Variants in SEC24A observed in about 807,000 individuals in gnomAD.
SEC24A encodes protein transport protein Sec24A.
Under a neutral mutation model 129.4 loss-of-function variants are expected in SEC24A, and 93 were observed. The observed-to-expected ratio is 0.72, with a 90% confidence interval of 0.61 to 0.85. The LOEUF (loss-of-function observed/expected upper bound fraction) is 0.85, where lower values mean the gene tolerates loss of function less well. Among genes scored for constraint, SEC24A ranks in the 40% least tolerant of loss-of-function variants. The probability of loss-of-function intolerance (pLI) is 0.00; values close to 1 mark genes in which losing one functional copy is unlikely to be tolerated. For missense variants in SEC24A, 1,264 were observed against 1,307.4 expected, an observed-to-expected ratio of 0.97 and a Z score of 0.51; for synonymous variants, 460 against 467.3, an observed-to-expected ratio of 0.98 and a Z score of 0.20.
intron 15 of SEC24A, among the ~76,000 whole-genome samples, chr5:134,700,762 A>G (rs190385622): frequency 1.3e-5 from 2 of 150,050 alleles, no homozygotes; most frequent in Admixed American, 1.3e-4. Flanking sequence ...TCTTTTGTCC[A>G]GGCTGGAGTT....
In SEC24A at chr5:134,675,215, A is replaced by G; in HGVS notation, c.1149A>G (p.Pro383=). The change falls in exon 6 of 23, where the codon CCA becomes CCG. Residue 383 remains proline, a splice_region_variant and synonymous_variant. Coordinates refer to ENST00000398844, the MANE Select transcript of SEC24A (RefSeq NM_021982.3). ...ACATCCAGAAACTCAACTGTAACCC[A>G]GAGTAAGGCTTCAGATGTGACATTA... is the stretch of plus-strand genomic sequence containing the variant. ...HEDIQKLNCN[P]ELFRCTLTSI... 6.2e-7 allele frequency: 1 copy of G among 1,608,394 alleles called. No homozygotes were observed. Among genetic ancestry groups the G allele is most frequent in the Non-Finnish European group, 8.5e-7 (1 of 1,175,854 alleles).
chr5:134,714,214 A>G (rs1752413596), intron 18 of SEC24A, among the ~76,000 whole-genome samples: 1 of 152,056 alleles, frequency 6.6e-6, no homozygotes, highest in African/African-American at 2.4e-5. Flanking sequence ...CATTGTTTGT[A>G]TGGTGGGAGA....
chr5:134,675,306 A>G, intron 6 of SEC24A, 89 bp downstream of exon 6: 1 of 953,128 alleles, frequency 1.0e-6, no homozygotes, highest in East Asian at 2.5e-5. Flanking sequence ...TAAGCTGTAC[A>G]AATTATTAAT....
At chr5:134,707,627 C>A (rs1030878148) in intron 17 of SEC24A, among the ~76,000 whole-genome samples, 2 of 152,218 alleles carry the variant, frequency 1.3e-5, no homozygotes, top group Admixed American at 1.3e-4. Context: ...CCGCGCCTGG[C>A]CTATTTTTTT....
At chr5:134,672,694 T>C (rs1750908981) in intron 4 of SEC24A, among the ~76,000 whole-genome samples, 1 of 152,186 alleles carries the variant, frequency 6.6e-6, no homozygotes, top group South Asian at 2.1e-4. Context: ...CTGTCAGAAT[T>C]GGGATCATGG....
rs978882843 is a variant in SEC24A at position 134,648,950 on chromosome 5, C to T, written c.-127C>T. 7.9e-6 allele frequency: 5 copies of T among 636,804 alleles called. No homozygotes were observed. Among genetic ancestry groups the T allele is most frequent in the African/African-American group, 5.7e-5 (3 of 53,086 alleles). The allele number at this position is 636,804 out of a possible 1,614,324, so 39.4% of individuals were successfully genotyped here. ...CGCCATGCCTCGGGCTTAATGCGCC[C>T]CCCCCTCTTCTCCCAGTCTTCAGTC... On this transcript the variant is annotated 5_prime_UTR_variant, in exon 1 of 23. Transcript: ENST00000398844.
intron 9 of SEC24A, among the ~76,000 whole-genome samples, chr5:134,683,752 T>A (rs1751353810): frequency 6.6e-6 from 1 of 152,184 alleles, no homozygotes; most frequent in African/African-American, 2.4e-5. Flanking sequence ...TAATGTTTAA[T>A]TAGCACTTTA....
chr5:134,662,722 G>C (rs1464960783), intron 2 of SEC24A, among the ~76,000 whole-genome samples: 1 of 152,150 alleles, frequency 6.6e-6, no homozygotes, highest in African/African-American at 2.4e-5. Context: ...AGAAACTTAA[G>C]TTTCTTTGTG....
At position 134,727,034 on chromosome 5, in the gene SEC24A, C is replaced by T. The variant is rs188314873; in HGVS notation, c.*1940C>T. ...TTATAACAGGTCATGAAAAACATAACTTTAGTTAGGATTCACAATATTTGT... is the reference window on the plus strand; with the variant it reads ...TTATAACAGGTCATGAAAAACATAATTTTAGTTAGGATTCACAATATTTGT... On this transcript the variant is annotated 3_prime_UTR_variant, in exon 23 of 23. Transcript: ENST00000398844. 5.9e-5 allele frequency: 9 copies of T among 152,616 alleles called. No homozygotes were observed. The East Asian group carries it at 1.7e-3, about 29-fold the overall frequency. The allele number at this position is 152,616 out of a possible 1,614,324, so 9.5% of individuals were successfully genotyped here.
chr5:134,649,062 T>TCCAA lies in SEC24A; in HGVS notation c.-12_-9dup, dbSNP rs1240263751. 1 of 1,600,374 alleles carries TCCAA rather than the reference T, an allele frequency of 6.2e-7. No homozygotes were observed. Among genetic ancestry groups the TCCAA allele is most frequent in the African/African-American group, 1.3e-5 (1 of 74,484 alleles). The stretch of plus-strand genomic sequence containing the variant: ...CTGTTGTCGACCCCGACCAGCCCCT[T>TCCAA]CCAACCCAGTCATCATGTCCCAGCC... On this transcript the variant is annotated 5_prime_UTR_variant, in exon 1 of 23. Transcript: ENST00000398844.
chr5:134,682,289 T>G, intron 8 of SEC24A, 84 bp from the exon 9 acceptor site: 1 of 687,248 alleles, frequency 1.5e-6, no homozygotes, highest in Non-Finnish European at 2.5e-6. Flanking sequence ...GTTTGTCATC[T>G]TTTCAAGGAA....
intron 2 of SEC24A, among the ~76,000 whole-genome samples, chr5:134,663,737 A>G (rs1194753782): frequency 6.6e-6 from 1 of 152,154 alleles, no homozygotes; most frequent in Non-Finnish European, 1.5e-5. Context: ...TACATTATCA[A>G]TAATCTGAAA....
intron 20 of SEC24A, 112 bp downstream of exon 20, chr5:134,718,285 A>C: frequency 1.3e-6 from 1 of 762,062 alleles, no homozygotes; most frequent in South Asian, 1.6e-5. Flanking sequence ...TTCATATTTT[A>C]ACCTATATAC....
chr5:134,656,621 T>C (rs1750254971), intron 1 of SEC24A, among the ~76,000 whole-genome samples: 1 of 151,790 alleles, frequency 6.6e-6, no homozygotes, highest in African/African-American at 2.4e-5. Flanking sequence ...GCTGGGACTA[T>C]AGGCGTGTGC....
chr5:134,667,079 A>C (rs1750687405), intron 3 of SEC24A, 83 bp downstream of exon 3: 3 of 1,202,136 alleles, frequency 2.5e-6, no homozygotes, highest in Non-Finnish European at 3.4e-6. Context: ...TCTGTGCATT[A>C]AAATCACATT....
intron 1 of SEC24A, among the ~76,000 whole-genome samples, chr5:134,660,338 C>T (rs1333008831): frequency 6.6e-6 from 1 of 152,056 alleles, no homozygotes; most frequent in Non-Finnish European, 1.5e-5. Context: ...TGTACTCCAG[C>T]TTGGATGACA....
intron 19 of SEC24A, 31 bp downstream of exon 19, chr5:134,715,192 T>C (rs1752441728): frequency 6.3e-7 from 1 of 1,585,106 alleles, no homozygotes; most frequent in African/African-American, 1.4e-5. Flanking sequence ...GTGGTTTTAC[T>C]TGAAGATTAG....
Position 134,727,441 on chromosome 5 carries a change from G to T in SEC24A, c.*2347G>T, listed in dbSNP as rs1752781112. On this transcript the variant is annotated 3_prime_UTR_variant, in exon 23 of 23. Transcript: ENST00000398844. ...GTCTGACATACTAATAGTCACTCAA[G>T]CAGTACCATTTATTTTAGTTTGCAT... The T allele has an allele frequency of 6.6e-6, 1 of 152,396 alleles. No individual in the cohort carries two copies. Among genetic ancestry groups the T allele is most frequent in the Non-Finnish European group, 1.5e-5 (1 of 67,976 alleles). 9.4% of individuals were successfully genotyped at this position (152,396 alleles called of 1,614,324 possible).
chr5:134,681,542 A>T (rs1751275397), intron 8 of SEC24A, among the ~76,000 whole-genome samples: 1 of 152,044 alleles, frequency 6.6e-6, no homozygotes, highest in Non-Finnish European at 1.5e-5. Flanking sequence ...AATTCTGAAA[A>T]TGTACATGAA....
Sources: allele counts gnomAD v4.1 joint callset (sites outside exome capture counted in the v4.1 genomes callset), GRCh38; gene constraint gnomAD v4.1.1; transcripts MANE v1.5; gene names NCBI Gene and HGNC (gene_info 2026-07-23, HGNC 2026-07-21).